LAMA2: variants seen among roughly 807,000 people sequenced by gnomAD.
The protein encoded by LAMA2 is laminin subunit alpha 2.
A neutral mutation model predicts 364.8 loss-of-function variants in LAMA2; 269 were observed. That is an observed-to-expected ratio of 0.74 (90% CI 0.67 to 0.82). The LOEUF (loss-of-function observed/expected upper bound fraction) is 0.82. Ranked by LOEUF, LAMA2 falls within the 40% of genes least tolerant of loss-of-function variation. LAMA2 has a pLI of 0.00. For synonymous variants in LAMA2, 1,379 were observed against 1,370.6 expected, an observed-to-expected ratio of 1.01 and a Z score of -0.14; for missense variants, 3,807 against 3,873.2, an observed-to-expected ratio of 0.98 and a Z score of 0.45.
intron 8 of LAMA2, among the ~76,000 whole-genome samples, chr6:129,160,351 C>A (rs1374821774): frequency 6.6e-6 from 1 of 152,022 alleles, no homozygotes; most frequent in Non-Finnish European, 1.5e-5. Flanking sequence ...TTGTTCAATT[C>A]ATCTAAATTG....
chr6:129,464,171 T>A, intron 49 of LAMA2, 119 bp from the exon 50 acceptor site: 1 of 851,710 alleles, frequency 1.2e-6, no homozygotes, highest in South Asian at 1.4e-5. Context: ...AATGAAGATG[T>A]ATTTAGGGTA....
At chr6:129,027,220 C>T (rs1431622971) in intron 1 of LAMA2, among the ~76,000 whole-genome samples, 1 of 151,972 alleles carries the variant, frequency 6.6e-6, no homozygotes, top group Non-Finnish European at 1.5e-5. Context: ...TGGGTAATTC[C>T]AAGGTGAATG....
chr6:129,056,748 T>C (rs541619475), intron 2 of LAMA2, among the ~76,000 whole-genome samples: 2 of 152,308 alleles, frequency 1.3e-5, no homozygotes, highest in Admixed American at 1.3e-4. Flanking sequence ...TTTTAAATTT[T>C]GAAATGGAGT....
At chr6:129,389,663 G>A (rs1179998234) in intron 35 of LAMA2, among the ~76,000 whole-genome samples, 2 of 152,170 alleles carry the variant, frequency 1.3e-5, no homozygotes, top group Non-Finnish European at 2.9e-5. Context: ...TGACTAGGAG[G>A]CCTCAGGAAA....
chr6:129,042,476 G>A (rs1484070512), intron 1 of LAMA2, among the ~76,000 whole-genome samples: 1 of 151,566 alleles, frequency 6.6e-6, no homozygotes, highest in Non-Finnish European at 1.5e-5. Flanking sequence ...ATCATTAACT[G>A]GAGTTAAATA....
intron 58 of LAMA2, among the ~76,000 whole-genome samples, chr6:129,496,586 C>T (rs965961021): frequency 3.9e-5 from 6 of 152,174 alleles, no homozygotes; most frequent in Admixed American, 3.9e-4. Flanking sequence ...TGAAGCCACA[C>T]ATATCTTCTG....
chr6:129,099,125 G>GTTT (rs370334822), intron 4 of LAMA2, among the ~76,000 whole-genome samples: 1,078 of 128,664 alleles, frequency 8.4e-3, no homozygotes, highest in Non-Finnish European at 0.012. Flanking sequence ...TTTTTTTTTT[G>GTTT]TTTTTTTTTT....
chr6:129,481,149 C>A, intron 54 of LAMA2, 114 bp from the exon 55 acceptor site: 1 of 821,188 alleles, frequency 1.2e-6, no homozygotes, highest in Non-Finnish European at 2.1e-6. Flanking sequence ...GCTTTCTAAA[C>A]CTATGATGTA....
chr6:129,409,674 G>C (rs1011371716), intron 40 of LAMA2, among the ~76,000 whole-genome samples: 6 of 152,156 alleles, frequency 3.9e-5, no homozygotes, highest in African/African-American at 1.4e-4. Context: ...AATCCTAGAG[G>C]CTTCCACCTC....
At chr6:129,013,218 G>A (rs913755237) in intron 1 of LAMA2, among the ~76,000 whole-genome samples, 1 of 152,054 alleles carries the variant, frequency 6.6e-6, no homozygotes, top group Admixed American at 6.6e-5. Flanking sequence ...GGCGGATCAC[G>A]AGGTCAGGAG....
intron 19 of LAMA2, 31 bp downstream of exon 19, chr6:129,288,089 G>C: frequency 6.3e-7 from 1 of 1,578,090 alleles, no homozygotes; most frequent in African/African-American, 1.3e-5. Context: ...GCCCCTGACA[G>C]AATTGATGTA....
At chr6:129,345,158 C>T (rs150286502) in intron 30 of LAMA2, among the ~76,000 whole-genome samples, 1 of 152,220 alleles carries the variant, frequency 6.6e-6, no homozygotes, top group Non-Finnish European at 1.5e-5. Context: ...TGAAGGAGTT[C>T]CAATGTCCAG....
chr6:129,054,547 G>A (rs1317058811), intron 2 of LAMA2, among the ~76,000 whole-genome samples: 1 of 151,874 alleles, frequency 6.6e-6, no homozygotes, highest in Non-Finnish European at 1.5e-5. Flanking sequence ...AGGATGGACT[G>A]TGCAGACAGG....
At chr6:129,331,878 A>T (rs1198711603) in intron 29 of LAMA2, among the ~76,000 whole-genome samples, 1 of 152,138 alleles carries the variant, frequency 6.6e-6, no homozygotes, top group Admixed American at 6.5e-5. Context: ...TACTATATCT[A>T]ACAGCCATGT....
rs1363041893 is a variant in LAMA2 at position 129,154,602 on chromosome 6, G to T, written c.1125G>T (p.Gly375=). 1 of 1,613,728 alleles carries T rather than the reference G, an allele frequency of 6.2e-7. No homozygotes were observed. Among genetic ancestry groups the T allele is most frequent in the Non-Finnish European group, 8.5e-7 (1 of 1,179,786 alleles). Reference sequence around the variant, plus strand: ...ATATACGTGGAAAGTACATTGGAGGGGGTGTCTGCATTAATTGTACCCAAA... The same window carrying T: ...ATATACGTGGAAAGTACATTGGAGGTGGTGTCTGCATTAATTGTACCCAAA... The part of the protein sequence containing the change: ...SLNIRGKYIG[G]GVCINCTQNT... The change falls in exon 8 of 65, where the codon GGG becomes GGT. Residue 375 remains glycine (G), a synonymous_variant. Coordinates refer to ENST00000421865, the MANE Select transcript of LAMA2 (RefSeq NM_000426.4).
chr6:129,488,650 C>T (rs1455747986), intron 56 of LAMA2, among the ~76,000 whole-genome samples: 2 of 152,136 alleles, frequency 1.3e-5, no homozygotes, highest in African/African-American at 4.8e-5. Context: ...TTGTTAATTA[C>T]AGGATAATAT....
rs1271652748 is a variant in LAMA2 at position 128,991,255 on chromosome 6, C to T, written c.113-58663C>T. On this transcript the variant is annotated intron_variant, in intron 1 of 64. Transcript: ENST00000421865. The stretch of plus-strand genomic sequence containing the variant: ...CTCCTTTTTTTCCCCCTCCGGAGAA[C>T]GATGACTGGTTTACAAATAGCAATT... Among the ~76,000 whole-genome samples, 6 of 152,182 alleles carry T rather than the reference C, an allele frequency of 3.9e-5. No individual in the cohort carries two copies. In the South Asian group the frequency reaches 6.2e-4, roughly 16 times the overall value.
intron 34 of LAMA2, among the ~76,000 whole-genome samples, chr6:129,375,230 C>A (rs889525859): frequency 2.0e-5 from 3 of 152,120 alleles, no homozygotes; most frequent in Non-Finnish European, 4.4e-5. Context: ...TTATTTTACT[C>A]ACTGGAAGAA....
chr6:129,047,811 A>T (rs1202905533), intron 1 of LAMA2, among the ~76,000 whole-genome samples: 1 of 152,240 alleles, frequency 6.6e-6, no homozygotes, highest in Non-Finnish European at 1.5e-5. Flanking sequence ...CAAATATTAT[A>T]AAAATCTTCC....
Sources: allele counts gnomAD v4.1 joint callset (sites outside exome capture counted in the v4.1 genomes callset), GRCh38; gene constraint gnomAD v4.1.1; transcripts MANE v1.5; gene names NCBI Gene and HGNC (gene_info 2026-07-23, HGNC 2026-07-21).